The following RAP1A variants were observed in gnomAD, a reference collection of about 807,000 sequenced individuals.
RAP1A encodes RAP1A, member of RAS oncogene family.
In RAP1A, 6 loss-of-function variants were observed where a neutral mutation model predicts 26.4. The ratio of observed to expected loss-of-function variants is 0.23; its 90% confidence interval spans 0.12 to 0.45. RAP1A has a LOEUF of 0.45. Among genes scored for constraint, RAP1A ranks in the 20% least tolerant of loss-of-function variants. The pLI, the probability that RAP1A is intolerant of heterozygous loss-of-function variation, is 0.99. For missense variants in RAP1A, 121 were observed against 217.2 expected (o/e 0.56, Z 2.78); for synonymous variants, 73 against 79.4 (o/e 0.92, Z 0.43).
At chr1:111,628,365 A>G (rs1557870870) in intron 1 of RAP1A, among the ~76,000 whole-genome samples, 1 of 152,172 alleles carries the variant, frequency 6.6e-6, no homozygotes, top group Non-Finnish European at 1.5e-5. Flanking sequence ...CAAGATAGAA[A>G]GAAAGTTCAG....
intron 1 of RAP1A, among the ~76,000 whole-genome samples, chr1:111,662,550 C>G (rs116289484): frequency 6.6e-6 from 1 of 151,938 alleles, no homozygotes; most frequent in Non-Finnish European, 1.5e-5. Context: ...GTAGCACTTA[C>G]GAGGATAGGA....
At chr1:111,570,038 G>T (rs1658015852) in intron 1 of RAP1A, among the ~76,000 whole-genome samples, 2 of 152,040 alleles carry the variant, frequency 1.3e-5, no homozygotes, top group South Asian at 4.1e-4. Context: ...GTGTAGAGAG[G>T]GGAACCTTCT....
intron 1 of RAP1A, among the ~76,000 whole-genome samples, chr1:111,685,817 A>G (rs969975648): frequency 6.6e-6 from 1 of 152,228 alleles, no homozygotes; most frequent in Non-Finnish European, 1.5e-5. Context: ...ATAAAGACAC[A>G]TGCACACATA....
intron 1 of RAP1A, among the ~76,000 whole-genome samples, chr1:111,652,154 A>G (rs1407815097): frequency 2.6e-5 from 4 of 151,890 alleles, no homozygotes; most frequent in Admixed American, 2.6e-4. Flanking sequence ...TTGTATTTTT[A>G]GTAGAGACCA....
intron 1 of RAP1A, among the ~76,000 whole-genome samples, chr1:111,593,239 G>A (rs988570205): frequency 6.6e-6 from 1 of 152,094 alleles, no homozygotes; most frequent in African/African-American, 2.4e-5. Context: ...CCTAACTGCC[G>A]TTCTCTTGTG....
At chr1:111,704,953 G>A (rs1170769427) in intron 6 of RAP1A, among the ~76,000 whole-genome samples, 2 of 152,050 alleles carry the variant, frequency 1.3e-5, no homozygotes, top group Non-Finnish European at 2.9e-5. Flanking sequence ...GTATGGACAT[G>A]TACCTGGAAT....
chr1:111,545,191 G>A (rs1380273618), intron 1 of RAP1A, among the ~76,000 whole-genome samples: 6 of 152,046 alleles, frequency 3.9e-5, no homozygotes, highest in Admixed American at 6.5e-5. Flanking sequence ...AACTTTTTGA[G>A]GAGCTACCAA....
intron 1 of RAP1A, chr1:111,648,250 C>T: frequency 1.6e-6 from 1 of 626,944 alleles, no homozygotes; most frequent in Non-Finnish European, 2.6e-6. Flanking sequence ...TTTTTATTGG[C>T]TTCCTGCTCC....
chr1:111,620,252 C>G (rs989579828), intron 1 of RAP1A, among the ~76,000 whole-genome samples: 1 of 152,250 alleles, frequency 6.6e-6, no homozygotes, highest in Non-Finnish European at 1.5e-5. Context: ...GTCCCCCACC[C>G]TTCAGCTCCC....
intron 1 of RAP1A, chr1:111,599,632 G>A (rs1435788133): frequency 6.6e-6 from 1 of 152,222 alleles, no homozygotes; most frequent in Non-Finnish European, 1.5e-5. Context: ...CCAGTGACCA[G>A]GCCCCATCCT....
Position 111,619,807 on chromosome 1 carries a change from C to G in RAP1A, c.-155C>G, listed in dbSNP as rs942972955. The G allele has an allele frequency of 1.2e-4, 48 of 399,054 alleles. No homozygotes were observed. Among genetic ancestry groups the G allele is most frequent in the African/African-American group, 8.6e-4 (42 of 48,572 alleles). The allele number at this position is 399,054 out of a possible 1,614,324, so 24.7% of individuals were successfully genotyped here. On this transcript the variant is annotated 5_prime_UTR_variant, in exon 1 of 8. Coordinates refer to ENST00000369709, the MANE Select transcript of RAP1A (RefSeq NM_002884.4). Reference sequence around the variant, plus strand: ...AGGCGCCGCCGCCGCTCCCGAGGCCCCTGCCGCCGCCGCTCCCGCTGCTGT... The same window carrying G: ...AGGCGCCGCCGCCGCTCCCGAGGCCGCTGCCGCCGCCGCTCCCGCTGCTGT...
chr1:111,694,261 A>G (rs551600500), intron 2 of RAP1A, among the ~76,000 whole-genome samples: 1 of 152,330 alleles, frequency 6.6e-6, no homozygotes, highest in South Asian at 2.1e-4. Context: ...AAAAATCATG[A>G]TTAAGGTTTT....
rs564319850 is a variant in RAP1A at position 111,660,494 on chromosome 1, C to T, written c.-27-30840C>T. Among the ~76,000 whole-genome samples, 5 of 152,196 alleles carry T rather than the reference C, an allele frequency of 3.3e-5. No individual in the cohort carries two copies. In the East Asian group the frequency reaches 5.8e-4, roughly 18 times the overall value. ...TTTTTTTTCTCCCAACTTGTCTCTT[C>T]GTTTGGCCCTGTCTTCAAAATGTAT... On this transcript the variant is annotated intron_variant, in intron 1 of 7. Transcript: ENST00000369709.
chr1:111,676,094 C>G (rs564788767), intron 1 of RAP1A, among the ~76,000 whole-genome samples: 1 of 152,148 alleles, frequency 6.6e-6, no homozygotes, highest in Non-Finnish European at 1.5e-5. Context: ...TGGTGGCTCA[C>G]GCCTGTAATC....
chr1:111,610,521 T>TTCCC (rs1041238924), intron 1 of RAP1A, among the ~76,000 whole-genome samples: 3 of 143,100 alleles, frequency 2.1e-5, no homozygotes, highest in African/African-American at 7.8e-5. Context: ...ATTCCACTAC[T>TTCCC]TCCCTCCACC....
intron 1 of RAP1A, among the ~76,000 whole-genome samples, chr1:111,666,190 A>T (rs565279400): frequency 6.6e-6 from 1 of 152,238 alleles, no homozygotes; most frequent in African/African-American, 2.4e-5. Context: ...GCCTCATGAC[A>T]TGAAAATTCA....
chr1:111,700,042 C>G (rs1017201273), intron 4 of RAP1A, among the ~76,000 whole-genome samples: 1 of 152,168 alleles, frequency 6.6e-6, no homozygotes, highest in Admixed American at 6.5e-5. Context: ...TTGGTTACTC[C>G]TAAGTCTCCT....
intron 1 of RAP1A, among the ~76,000 whole-genome samples, chr1:111,605,924 C>T (rs1385098919): frequency 6.6e-6 from 1 of 152,168 alleles, no homozygotes; most frequent in Non-Finnish European, 1.5e-5. Context: ...TGAGAGGCTT[C>T]CAGAGCAAGC....
At chr1:111,598,400 C>T (rs539016111) in intron 1 of RAP1A, among the ~76,000 whole-genome samples, 1 of 152,102 alleles carries the variant, frequency 6.6e-6, no homozygotes, top group East Asian at 1.9e-4. Flanking sequence ...ATACCAGAGC[C>T]CAGTTTGGAT....
Sources: gnomAD v4.1 joint callset for allele counts (sites outside exome capture counted in the v4.1 genomes callset) on GRCh38, gnomAD v4.1.1 for gene constraint, MANE v1.5 for transcripts, NCBI Gene and HGNC (gene_info 2026-07-23, HGNC 2026-07-21) for gene names.